Variants in ANKRD30B observed in about 807,000 individuals in gnomAD.
ANKRD30B encodes the protein ankyrin repeat domain-containing protein 30B.
A neutral mutation model predicts 202.2 loss-of-function variants in ANKRD30B; 144 were observed. The ratio of observed to expected loss-of-function variants is 0.71; its 90% confidence interval spans 0.62 to 0.82. The LOEUF is 0.82. Among genes scored for constraint, ANKRD30B ranks in the 40% least tolerant of loss-of-function variants. The pLI is 0.00. For synonymous variants in ANKRD30B, 508 were observed against 561.3 expected, an observed-to-expected ratio of 0.91 and a Z score of 1.34; for missense variants, 1,487 against 1,669.1, an observed-to-expected ratio of 0.89 and a Z score of 1.90.
chr18:14,854,640 G>C lies in ANKRD30B; in HGVS notation c.*482G>C, dbSNP rs1972016818. On this transcript the variant is annotated 3_prime_UTR_variant, in exon 44 of 44. Coordinates refer to ENST00000690538, the MANE Select transcript of ANKRD30B (RefSeq NM_001367607.2). ...ATTTAGGTACAAGCCTAGACAGACA[G>C]GAACACTTTTTTATAATTATAAAAA... is the stretch of plus-strand genomic sequence containing the variant. Among the ~76,000 whole-genome samples the C allele has an allele frequency of 6.6e-6, 1 of 152,074 alleles. No individual in the cohort carries two copies. Among genetic ancestry groups the C allele is most frequent in the Admixed American group, 6.5e-5 (1 of 15,280 alleles).
chr18:14,844,903 A>C (rs970377462), intron 39 of ANKRD30B, among the ~76,000 whole-genome samples: 3 of 151,858 alleles, frequency 2.0e-5, no homozygotes, highest in African/African-American at 7.3e-5. Flanking sequence ...GTGTCTGTTC[A>C]TATCCTTCAC....
the ANKRD30B span, among the ~76,000 whole-genome samples, chr18:14,893,349 G>A: frequency 0.039 from 5,889 of 152,208 alleles, 370 homozygotes; most frequent in African/African-American, 0.13. Flanking sequence ...AGTGGCTCAC[G>A]CCTGTAATCC....
At chr18:14,839,237 A>C (rs1971306150) in intron 36 of ANKRD30B, among the ~76,000 whole-genome samples, 1 of 152,242 alleles carries the variant, frequency 6.6e-6, no homozygotes, top group Non-Finnish European at 1.5e-5. Context: ...AACAAAACAG[A>C]GAATGTTCCT....
At chr18:14,809,575 C>T (rs554659430) in intron 26 of ANKRD30B, among the ~76,000 whole-genome samples, 2 of 150,820 alleles carry the variant, frequency 1.3e-5, no homozygotes, top group African/African-American at 4.9e-5. Context: ...ACAAGGGTAG[C>T]ATTCCATTCC....
the ANKRD30B span, among the ~76,000 whole-genome samples, chr18:14,863,921 T>G: frequency 6.6e-6 from 1 of 150,862 alleles, no homozygotes; most frequent in Non-Finnish European, 1.5e-5. Context: ...ATTACATGGG[T>G]TTTATTCCTG....
intron 30 of ANKRD30B, among the ~76,000 whole-genome samples, chr18:14,820,424 C>T (rs1022358460): frequency 2.6e-5 from 4 of 152,194 alleles, no homozygotes; most frequent in African/African-American, 9.6e-5. Context: ...TGAGAGAGGG[C>T]ATCCCTGTAT....
chr18:14,787,134 T>C, intron 15 of ANKRD30B, 34 bp downstream of exon 15: 1 of 1,560,500 alleles, frequency 6.4e-7, no homozygotes. Flanking sequence ...TAAATATTAG[T>C]ATTGCATGAG....
chr18:14,773,662 T>C (rs1305222659), intron 9 of ANKRD30B, among the ~76,000 whole-genome samples: 2 of 26,686 alleles, frequency 7.5e-5, no homozygotes, highest in Non-Finnish European at 1.5e-4. Context: ...ACTCATGTTC[T>C]TTTTTTTTTT....
At chr18:14,820,558 T>A (rs1281400356) in intron 30 of ANKRD30B, among the ~76,000 whole-genome samples, 7 of 152,132 alleles carry the variant, frequency 4.6e-5, no homozygotes, top group Non-Finnish European at 7.3e-5. Flanking sequence ...ATTTATTGAG[T>A]GTTTTTAGCA....
chr18:14,768,906 T>C (rs1320069098), intron 7 of ANKRD30B, among the ~76,000 whole-genome samples: 2 of 152,204 alleles, frequency 1.3e-5, no homozygotes, highest in Admixed American at 1.3e-4. Context: ...CTTGTAGAGA[T>C]CAGATTGTGA....
the ANKRD30B span, among the ~76,000 whole-genome samples, chr18:14,894,077 A>T: frequency 6.6e-6 from 1 of 152,202 alleles, no homozygotes; most frequent in Non-Finnish European, 1.5e-5. Flanking sequence ...GCATAAATTT[A>T]TTATTTAGGA....
At chr18:14,938,908 C>T in the ANKRD30B span, among the ~76,000 whole-genome samples, 1 of 152,156 alleles carries the variant, frequency 6.6e-6, no homozygotes. Flanking sequence ...ATAAAGACAG[C>T]TTTCATTTCC....
the ANKRD30B span, among the ~76,000 whole-genome samples, chr18:14,932,879 T>G: frequency 1.3e-5 from 2 of 152,222 alleles, no homozygotes; most frequent in Non-Finnish European, 2.9e-5. Flanking sequence ...AGAACGTATT[T>G]GGAACTAACA....
the ANKRD30B span, among the ~76,000 whole-genome samples, chr18:14,901,745 C>A: frequency 1.3e-5 from 2 of 152,132 alleles, no homozygotes; most frequent in African/African-American, 4.8e-5. Context: ...AGAATTTGCT[C>A]TCTTTGTGAT....
At chr18:14,876,059 A>G in the ANKRD30B span, among the ~76,000 whole-genome samples, 122 of 152,204 alleles carry the variant, frequency 8.0e-4, no homozygotes, top group Middle Eastern at 3.4e-3. Context: ...TGTGCTTTGG[A>G]CAACTAATGT....
chr18:14,796,189 A>G (rs1968875572), intron 16 of ANKRD30B, 32 bp from the exon 17 acceptor site: 13 of 1,570,070 alleles, frequency 8.3e-6, no homozygotes, highest in Non-Finnish European at 1.1e-5. Flanking sequence ...AGGCTTGCAT[A>G]TAATCAATTA....
At chr18:14,758,532 C>T (rs773080069) in intron 5 of ANKRD30B, among the ~76,000 whole-genome samples, 16 of 152,180 alleles carry the variant, frequency 1.1e-4, no homozygotes, top group Admixed American at 1.0e-3. Context: ...CATATATAGA[C>T]TTCAAAGTCA....
the ANKRD30B span, among the ~76,000 whole-genome samples, chr18:14,871,115 T>TCACCCACATACC: frequency 1.8e-4 from 2 of 10,996 alleles, no homozygotes; most frequent in African/African-American, 7.6e-4. Context: ...ACCCACACAC[T>TCACCCACATACC]CTCACCCACA....
At chr18:14,766,496 A>AAT (rs1255237982) in intron 7 of ANKRD30B, among the ~76,000 whole-genome samples, 1 of 141,166 alleles carries the variant, frequency 7.1e-6, no homozygotes, top group African/African-American at 2.7e-5. Flanking sequence ...AAAAAAAAAA[A>AAT]AGAAAAGAAA....
Sources: allele counts gnomAD v4.1 joint callset (sites outside exome capture counted in the v4.1 genomes callset), GRCh38; gene constraint gnomAD v4.1.1; transcripts MANE v1.5; gene names NCBI Gene and HGNC (gene_info 2026-07-23, HGNC 2026-07-21).